Variants in JAK2 observed in about 807,000 individuals in gnomAD.
JAK2 encodes tyrosine-protein kinase JAK2.
A neutral mutation model predicts 139.3 loss-of-function variants in JAK2; 86 were observed. The ratio of observed to expected loss-of-function variants is 0.62; its 90% CI spans 0.52 to 0.74. JAK2 has a LOEUF of 0.74. Among genes scored for constraint, JAK2 ranks in the 30% least tolerant of loss-of-function variants. The pLI is 0.00. For synonymous variants in JAK2, 490 were observed against 437.7 expected, an observed-to-expected ratio of 1.12 and a Z score of -1.49; for missense variants, 1,421 against 1,360.3, an observed-to-expected ratio of 1.04 and a Z score of -0.70.
intron 19 of JAK2, among the ~76,000 whole-genome samples, chr9:5,087,545 C>T (rs114387611): frequency 7.9e-5 from 12 of 152,164 alleles, no homozygotes; most frequent in South Asian, 2.1e-4. Flanking sequence ...TCTTTCTTTT[C>T]GCTGTATTTT....
At chr9:5,081,987 T>A (rs1337540143) in intron 19 of JAK2, 126 bp downstream of exon 19, 2 of 777,716 alleles carry the variant, frequency 2.6e-6, no homozygotes, top group Non-Finnish European at 4.1e-6. Context: ...GGTTTGGTTG[T>A]CAGATGTTGG....
intron 4 of JAK2, among the ~76,000 whole-genome samples, chr9:5,042,134 T>C (rs897544312): frequency 2.2e-5 from 3 of 135,166 alleles, no homozygotes; most frequent in Non-Finnish European, 5.1e-5. Context: ...CTTTTTTTTT[T>C]TTTTTTTTTT....
intron 22 of JAK2, among the ~76,000 whole-genome samples, chr9:5,092,521 G>A (rs1458805178): frequency 2.0e-5 from 3 of 151,922 alleles, no homozygotes; most frequent in Non-Finnish European, 2.9e-5. Flanking sequence ...TTAAACCATC[G>A]TAATCAAACC....
At position 5,000,154 on chromosome 9, in the gene JAK2, G is replaced by GT. The variant is rs927620801; in HGVS notation, c.-26+14141dup. Among the ~76,000 whole-genome samples, 47 of 149,300 alleles carry GT rather than the reference G, an allele frequency of 3.1e-4. No individual in the cohort carries two copies. In the East Asian group the frequency reaches 4.1e-3, roughly 13 times the overall value. ...AACCTTTGTAGTATATATTTTTTCT[G>GT]TTTTTTTTTAAAGTTTTGATTATAG... On this transcript the variant is annotated intron_variant, in intron 2 of 24. Transcript: ENST00000381652.
chr9:5,064,339 G>A (rs191401691), intron 8 of JAK2, among the ~76,000 whole-genome samples: 6 of 152,132 alleles, frequency 3.9e-5, no homozygotes, highest in Admixed American at 3.3e-4. Context: ...AGACCAGCCT[G>A]GCCAACATGG....
At chr9:5,094,357 C>G (rs1166989083) in intron 22 of JAK2, 3 of 152,120 alleles carry the variant, frequency 2.0e-5, no homozygotes, top group African/African-American at 7.3e-5. Context: ...ACCCCATCCC[C>G]TAATTAATTT....
intron 22 of JAK2, among the ~76,000 whole-genome samples, chr9:5,122,588 T>TCC (rs1335781065): frequency 6.6e-6 from 1 of 152,048 alleles, no homozygotes; most frequent in Admixed American, 6.6e-5. Flanking sequence ...CCCAAGACCA[T>TCC]CCCCAGGTTG....
chr9:5,089,664 T>A lies in JAK2; in HGVS notation c.2572-10T>A, dbSNP rs2130674367. 7.6e-7 allele frequency: 1 copy of A among 1,316,540 alleles called. No homozygotes were observed. The highest frequency in any genetic ancestry group is 2.8e-5 in the East Asian group (1 of 35,932). The allele number at this position is 1,316,540 out of a possible 1,614,324, so 81.6% of individuals were successfully genotyped here. A position where few individuals can be genotyped will look rare whatever the true frequency, so the allele number is the denominator to read the frequency against. On this transcript the variant is annotated splice_polypyrimidine_tract_variant and intron_variant, in intron 19 of 24. Coordinates refer to ENST00000381652, the MANE Select transcript of JAK2 (RefSeq NM_004972.4). ...TTGGTATTTCCATCCTAATGTGATG[T>A]GTCATTTAGGGTAATTTTGGGAGTG...
intron 16 of JAK2, among the ~76,000 whole-genome samples, chr9:5,079,414 G>C (rs1019712769): frequency 6.6e-6 from 1 of 151,936 alleles, no homozygotes; most frequent in Non-Finnish European, 1.5e-5. Context: ...TTTGAGCAGA[G>C]CCCACCTATA....
chr9:5,049,592 A>T (rs1042475534), intron 5 of JAK2, among the ~76,000 whole-genome samples: 3 of 152,168 alleles, frequency 2.0e-5, no homozygotes, highest in Non-Finnish European at 4.4e-5. Context: ...TGCTTCCTAT[A>T]TCATGTCTGG....
At chr9:5,058,610 A>G (rs571730601) in intron 8 of JAK2, among the ~76,000 whole-genome samples, 3 of 152,214 alleles carry the variant, frequency 2.0e-5, no homozygotes, top group East Asian at 3.9e-4. Context: ...TCTACTTGTA[A>G]TTTTTTAGGG....
chr9:5,071,778 G>C (rs1818964546), intron 12 of JAK2, among the ~76,000 whole-genome samples: 1 of 152,186 alleles, frequency 6.6e-6, no homozygotes, highest in African/African-American at 2.4e-5. Flanking sequence ...AGGAAACAGA[G>C]TGGCCAGGTA....
intron 22 of JAK2, among the ~76,000 whole-genome samples, chr9:5,105,117 T>C (rs538548534): frequency 6.8e-4 from 104 of 152,342 alleles, no homozygotes; most frequent in African/African-American, 2.4e-3. Flanking sequence ...GGAAGTCAAA[T>C]TGTCCCTGTT....
At chr9:5,081,142 G>A (rs941150743) in intron 18 of JAK2, among the ~76,000 whole-genome samples, 4 of 151,882 alleles carry the variant, frequency 2.6e-5, no homozygotes, top group Admixed American at 1.3e-4. Flanking sequence ...TGATCCGCCC[G>A]CCTCGGCCTC....
At chr9:5,065,738 A>G (rs1346085465) in intron 9 of JAK2, among the ~76,000 whole-genome samples, 1 of 152,190 alleles carries the variant, frequency 6.6e-6, no homozygotes, top group African/African-American at 2.4e-5. Context: ...AGTCCTAATG[A>G]TCTCTTAGCT....
chr9:5,054,925 G>A lies in JAK2; in HGVS notation c.936+41G>A, dbSNP rs1008809928. 6.5e-6 allele frequency: 9 copies of A among 1,382,810 alleles called. No individual in the cohort carries two copies. Among genetic ancestry groups the A allele is most frequent in the African/African-American group, 1.5e-5 (1 of 68,144 alleles). The allele number at this position is 1,382,810 out of a possible 1,614,324, so 85.7% of individuals were successfully genotyped here. A position where few individuals can be genotyped will look rare whatever the true frequency, so the allele number is the denominator to read the frequency against. Reference sequence around the variant, plus strand: ...ATGTTCTTGTTCTTTGTTATTTTAAGTACAATGGAAATAAAAACAAAGTAA... The same window carrying A: ...ATGTTCTTGTTCTTTGTTATTTTAAATACAATGGAAATAAAAACAAAGTAA... On this transcript the variant is annotated intron_variant, in intron 7 of 24. Transcript: ENST00000381652. This position sits in a 1 kb window ranked among gnomAD's most constrained non-coding sequence, Gnocchi z 4.9.
chr9:5,047,979 G>A (rs1456086932), intron 5 of JAK2, among the ~76,000 whole-genome samples: 2 of 152,094 alleles, frequency 1.3e-5, no homozygotes, highest in Admixed American at 1.3e-4. Flanking sequence ...TATTTATTAT[G>A]TTTTGGCATT....
At chr9:5,062,775 A>G (rs975668858) in intron 8 of JAK2, among the ~76,000 whole-genome samples, 19 of 152,154 alleles carry the variant, frequency 1.2e-4, no homozygotes, top group Non-Finnish European at 1.5e-4. Context: ...CAATGGGCAA[A>G]ATAATGCTGT....
At chr9:5,042,531 C>G (rs1408863685) in intron 4 of JAK2, among the ~76,000 whole-genome samples, 1 of 152,294 alleles carries the variant, frequency 6.6e-6, no homozygotes, top group East Asian at 1.9e-4. Context: ...AAGAAAGGCC[C>G]CCTCCACCCC....
Sources: gnomAD v4.1 joint callset for allele counts (sites outside exome capture counted in the v4.1 genomes callset) on GRCh38, gnomAD v4.1.1 for gene constraint, Gnocchi (gnomAD v3.1) non-coding constraint, MANE v1.5 for transcripts, NCBI Gene and HGNC (gene_info 2026-07-23, HGNC 2026-07-21) for gene names.